RSL24D1: variants seen among roughly 807,000 people sequenced by gnomAD.
RSL24D1 encodes probable ribosome biogenesis protein RLP24.
In RSL24D1, 6 loss-of-function variants were observed where a neutral mutation model predicts 26.2. That is an observed-to-expected ratio of 0.23 (90% CI 0.13 to 0.45). RSL24D1 has a LOEUF of 0.45. RSL24D1 is among the 20% of genes least tolerant of loss of function. The pLI, the probability that RSL24D1 is intolerant of heterozygous loss-of-function variation, is 0.99. For missense variants in RSL24D1, 176 were observed against 202.6 expected (o/e 0.87, Z 0.80); for synonymous variants, 61 against 59.1 (o/e 1.03, Z -0.15).
rs199758477 is a variant in RSL24D1, at chr15:55,185,386, C to T, written c.308G>A (p.Arg103His). ...MKRVEEIKQKRQAKFIMNRLK... is the reference protein window; with the variant it reads ...MKRVEEIKQKHQAKFIMNRLK... Reference sequence around the variant, plus strand: ...CCTGTTCATTATAAATTTAGCTTGGCGCTTCTGTTTGATTTCTTCAACTCT... The same window carrying T: ...CCTGTTCATTATAAATTTAGCTTGGTGCTTCTGTTTGATTTCTTCAACTCT... The change falls in exon 4 of 6, where the codon CGC becomes CAC. Residue 103 changes from arginine to histidine, a missense_variant. This residue lies in a region of RSL24D1 where 89 missense variants were observed against 135.1 expected (regional missense o/e 0.66). Transcript: ENST00000260443. 35 of 1,607,810 alleles carry T rather than the reference C, an allele frequency of 2.2e-5. No homozygotes were observed. The highest frequency in any genetic ancestry group is 1.7e-5 in the Admixed American group (1 of 58,628).
At chr15:55,193,928 T>C (rs1253614057) in intron 1 of RSL24D1, among the ~76,000 whole-genome samples, 1 of 152,172 alleles carries the variant, frequency 6.6e-6, no homozygotes, top group African/African-American at 2.4e-5. Context: ...AAAATGAATA[T>C]ATGAAAATCA....
chr15:55,195,729 T>C (rs1894348049), intron 1 of RSL24D1: 1 of 152,350 alleles, frequency 6.6e-6, no homozygotes, highest in African/African-American at 2.4e-5. Context: ...GTATTCAAAA[T>C]CTTCTAGGTT....
In RSL24D1 at chr15:55,181,452, T is replaced by C. The variant is rs1894165393; in HGVS notation, c.*700A>G. 1 of 152,654 alleles carries C rather than the reference T, an allele frequency of 6.6e-6. No individual in the cohort carries two copies. The highest frequency in any genetic ancestry group is 2.4e-5 in the African/African-American group (1 of 41,454). 9.5% of individuals were successfully genotyped at this position (152,654 alleles called of 1,614,324 possible). A position where few individuals can be genotyped will look rare whatever the true frequency, so the allele number is the denominator to read the frequency against. The stretch of plus-strand genomic sequence containing the variant: ...AAAGGCGCTGGGATTCCTCTGCTTC[T>C]AGATCAATGCTGGGCTAGAAAAGTA... On this transcript the variant is annotated 3_prime_UTR_variant, in exon 6 of 6. Transcript: ENST00000260443.
intron 3 of RSL24D1, among the ~76,000 whole-genome samples, chr15:55,186,449 T>G (rs1894225027): frequency 6.6e-6 from 1 of 152,146 alleles, no homozygotes; most frequent in Non-Finnish European, 1.5e-5. Context: ...AGCTTGTGTC[T>G]CCTGACAAAA....
At chr15:55,190,222 G>A (rs7163785) in intron 3 of RSL24D1, among the ~76,000 whole-genome samples, 5,045 of 145,124 alleles carry the variant, frequency 0.035, 337 homozygotes, top group African/African-American at 0.12. Context: ...CACTCCAGCC[G>A]GTGGGACAGA....
At chr15:55,196,504 T>C in intron 1 of RSL24D1, 2 of 581,522 alleles carry the variant, frequency 3.4e-6, no homozygotes, top group South Asian at 1.7e-5. Context: ...AGTACATGAG[T>C]GGCCAAACAG....
intron 3 of RSL24D1, among the ~76,000 whole-genome samples, chr15:55,189,661 T>C (rs1476057214): frequency 6.6e-6 from 1 of 152,188 alleles, no homozygotes. Flanking sequence ...ATTTTCTGTG[T>C]GCCCCAAGAC....
At position 55,180,934 on chromosome 15, in the gene RSL24D1, A is replaced by G. The variant is rs1894159291; in HGVS notation, c.*1218T>C. ...CTTCAATCAATAATATTATTTACAA[A>G]TAAGAATACCCAGGCAAAACCACAT... is the stretch of plus-strand genomic sequence containing the variant. On this transcript the variant is annotated 3_prime_UTR_variant, in exon 6 of 6. Coordinates refer to ENST00000260443, the MANE Select transcript of RSL24D1 (RefSeq NM_016304.3). 1 of 152,186 alleles carries G rather than the reference A, an allele frequency of 6.6e-6. No individual in the cohort carries two copies. Among genetic ancestry groups the G allele is most frequent in the African/African-American group, 2.4e-5 (1 of 41,452 alleles). The allele number at this position is 152,186 out of a possible 1,614,324, so 9.4% of individuals were successfully genotyped here.
At chr15:55,186,312 G>C (rs1228097303) in intron 3 of RSL24D1, among the ~76,000 whole-genome samples, 1 of 152,048 alleles carries the variant, frequency 6.6e-6, no homozygotes, top group Non-Finnish European at 1.5e-5. Context: ...TAGTCTTAAA[G>C]TATCTCTCAA....
chr15:55,190,356 G>A (rs1894282565), intron 3 of RSL24D1, among the ~76,000 whole-genome samples: 2 of 148,510 alleles, frequency 1.3e-5, no homozygotes, highest in African/African-American at 5.0e-5. Flanking sequence ...CTACATATGA[G>A]ACTTTTTTCA....
At chr15:55,186,793 G>A (rs574999321) in intron 3 of RSL24D1, among the ~76,000 whole-genome samples, 9 of 136,404 alleles carry the variant, frequency 6.6e-5, no homozygotes, top group African/African-American at 9.9e-5. Context: ...ATTGCAGTGT[G>A]GTTATGTGAG....
chr15:55,186,908 AAGAG>A (rs1315816455), intron 3 of RSL24D1, among the ~76,000 whole-genome samples: 2 of 152,216 alleles, frequency 1.3e-5, no homozygotes, highest in Non-Finnish European at 2.9e-5. Flanking sequence ...AGGGAGAAAG[AAGAG>A]AGACAAAGAG....
At chr15:55,190,914 G>C (rs1369440093) in intron 3 of RSL24D1, 61 bp downstream of exon 3, 21 of 1,070,762 alleles carry the variant, frequency 2.0e-5, no homozygotes, top group African/African-American at 3.2e-5. Flanking sequence ...GACACTTAAA[G>C]TTATAGTATT....
Position 55,196,901 on chromosome 15 carries a change from C to T in RSL24D1, c.-11G>A. The T allele has an allele frequency of 6.2e-7, 1 of 1,613,780 alleles. No homozygotes were observed. Among genetic ancestry groups the T allele is most frequent in the Non-Finnish European group, 8.5e-7 (1 of 1,179,686 alleles). On this transcript the variant is annotated 5_prime_UTR_variant, in exon 1 of 6. Coordinates refer to ENST00000260443, the MANE Select transcript of RSL24D1 (RefSeq NM_016304.3). ...CTTTTCGATACGCATGTTGAACCCGCGTGTAACCCCACCAAACAAACGCCA... is the reference window on the plus strand; with the variant it reads ...CTTTTCGATACGCATGTTGAACCCGTGTGTAACCCCACCAAACAAACGCCA...
intron 1 of RSL24D1, among the ~76,000 whole-genome samples, chr15:55,193,730 C>G (rs1016556952): frequency 1.3e-5 from 2 of 152,144 alleles, no homozygotes; most frequent in Non-Finnish European, 2.9e-5. Context: ...TCACTACATA[C>G]AGTAGGACAG....
chr15:55,186,350 A>G (rs1894224136), intron 3 of RSL24D1, among the ~76,000 whole-genome samples: 1 of 152,174 alleles, frequency 6.6e-6, no homozygotes, highest in Non-Finnish European at 1.5e-5. Flanking sequence ...AAAAAGAGTA[A>G]AACAGTAACT....
intron 1 of RSL24D1, among the ~76,000 whole-genome samples, chr15:55,194,592 T>A (rs1295424933): frequency 1.3e-5 from 2 of 152,182 alleles, no homozygotes; most frequent in Non-Finnish European, 2.9e-5. Flanking sequence ...ATTCCACTAA[T>A]TCAACATTTA....
At chr15:55,191,318 G>A (rs1408673236) in intron 2 of RSL24D1, among the ~76,000 whole-genome samples, 1 of 151,962 alleles carries the variant, frequency 6.6e-6, no homozygotes, top group South Asian at 2.1e-4. Context: ...ACAATTATCA[G>A]GATTACAAAC....
At chr15:55,187,989 C>T (rs1002948285) in intron 3 of RSL24D1, among the ~76,000 whole-genome samples, 1 of 152,080 alleles carries the variant, frequency 6.6e-6, no homozygotes, top group Non-Finnish European at 1.5e-5. Flanking sequence ...ACACAGACAG[C>T]CATGAGGGAC....
Sources: gnomAD v4.1 joint callset for allele counts (sites outside exome capture counted in the v4.1 genomes callset) on GRCh38, gnomAD v4.1.1 for gene constraint, gnomAD v4.1.1 regional missense constraint, MANE v1.5 for transcripts, NCBI Gene and HGNC (gene_info 2026-07-23, HGNC 2026-07-21) for gene names.